The following SV2B variants were observed in gnomAD, a reference collection of about 807,000 sequenced individuals.
SV2B encodes the protein synaptic vesicle glycoprotein 2B.
A neutral mutation model predicts 73.9 loss-of-function variants in SV2B; 41 were observed. The ratio of observed to expected loss-of-function variants is 0.56; its 90% confidence interval spans 0.43 to 0.72. The LOEUF is 0.72. SV2B is among the 30% of genes least tolerant of loss of function. The pLI, the probability that SV2B is intolerant of heterozygous loss-of-function variation, is 0.00. For missense variants in SV2B, 764 were observed against 857.8 expected (o/e 0.89, Z 1.37); for synonymous variants, 314 against 314.2 (o/e 1.00, Z 0.01).
intron 10 of SV2B, among the ~76,000 whole-genome samples, chr15:91,282,165 A>G (rs1489218400): frequency 1.3e-5 from 2 of 152,246 alleles, no homozygotes; most frequent in East Asian, 3.8e-4. Flanking sequence ...TTTGGTATGA[A>G]CAAAGGATGA....
intron 1 of SV2B, among the ~76,000 whole-genome samples, chr15:91,189,789 C>G (rs1016414141): frequency 6.6e-6 from 1 of 152,182 alleles, no homozygotes; most frequent in Admixed American, 6.5e-5. Flanking sequence ...GAGATCGAGA[C>G]CGTCCTGGCT....
At chr15:91,213,839 C>G (rs2045942188) in intron 1 of SV2B, among the ~76,000 whole-genome samples, 1 of 152,112 alleles carries the variant, frequency 6.6e-6, no homozygotes, top group African/African-American at 2.4e-5. Context: ...GAACCTGAGT[C>G]TTGTTTTCAT....
rs147617528 is a variant in SV2B at position 91,273,041 on chromosome 15, C to T, written c.1373+4436C>T. On this transcript the variant is annotated intron_variant, in intron 9 of 12. Coordinates refer to ENST00000394232, the MANE Select transcript of SV2B (RefSeq NM_001323032.3). ...AGAGATGGGGTTTTGCCATGTTTGC[C>T]AGGCTGGTCTCGAACTCCTGACCTC... Among the ~76,000 whole-genome samples, 78 of 152,114 alleles carry T rather than the reference C, an allele frequency of 5.1e-4. 1 individual carries two copies. Among genetic ancestry groups the T allele is most frequent in the African/African-American group, 1.7e-3 (69 of 41,514 alleles).
At position 91,250,568 on chromosome 15, in the gene SV2B, C is replaced by CTA. The variant is rs575375870; in HGVS notation, c.452-1250_452-1249dup. Among the ~76,000 whole-genome samples the CTA allele has an allele frequency of 8.1e-4, 124 of 152,214 alleles. 2 individuals are homozygous for CTA. Among genetic ancestry groups the CTA allele is most frequent in the African/African-American group, 2.9e-3 (121 of 41,552 alleles). Reference sequence around the variant, plus strand: ...GATGGCATCTTATACATAGAAAACCCTAAAGACTCCACCAAAAAATTGTTA... The same window carrying CTA: ...GATGGCATCTTATACATAGAAAACCCTATAAAGACTCCACCAAAAAATTGTTA... On this transcript the variant is annotated intron_variant, in intron 2 of 12. Transcript: ENST00000394232.
chr15:91,175,937 A>G (rs912037238), intron 1 of SV2B, among the ~76,000 whole-genome samples: 1 of 151,590 alleles, frequency 6.6e-6, no homozygotes, highest in Non-Finnish European at 1.5e-5. Flanking sequence ...TGTGCACAAT[A>G]TGCAGGTTAG....
chr15:91,159,588 A>G (rs975432121), intron 1 of SV2B, among the ~76,000 whole-genome samples: 2 of 152,250 alleles, frequency 1.3e-5, no homozygotes, highest in Non-Finnish European at 2.9e-5. Flanking sequence ...AACATTGGAA[A>G]TCAATAGCAA....
intron 1 of SV2B, among the ~76,000 whole-genome samples, chr15:91,178,808 A>G (rs8024554): frequency 0.091 from 13,140 of 144,852 alleles, 917 homozygotes; most frequent in African/African-American, 0.18. Context: ...TCTTGCTAGC[A>G]GTCTATCAAT....
intron 1 of SV2B, among the ~76,000 whole-genome samples, chr15:91,191,954 A>T (rs1458180591): frequency 6.6e-6 from 1 of 152,082 alleles, no homozygotes; most frequent in Non-Finnish European, 1.5e-5. Context: ...TTATTTTATA[A>T]GTTTTAAAGT....
intron 1 of SV2B, among the ~76,000 whole-genome samples, chr15:91,169,698 T>A (rs2044050161): frequency 6.6e-6 from 1 of 152,042 alleles, no homozygotes. Flanking sequence ...ATGAACGAAA[T>A]AATTTCAGGT....
chr15:91,281,734 A>G lies in SV2B; in HGVS notation c.1380A>G (p.Thr460=). The part of the protein sequence containing the change: ...QHGKLVNDKF[T]RMYFKHVLFE... ...GGTCAACCTCTTCCCACAGGTTCAC[A>G]AGAATGTACTTTAAACATGTACTCT... Residue 460 remains threonine, a synonymous_variant, in exon 10 of 13, where the codon ACA becomes ACG. Coordinates refer to ENST00000394232, the MANE Select transcript of SV2B (RefSeq NM_001323032.3). This position sits in a 1 kb window ranked among gnomAD's most constrained non-coding sequence, Gnocchi z 4.7. 1 of 1,602,076 alleles carries G rather than the reference A, an allele frequency of 6.2e-7. No individual in the cohort carries two copies. The highest frequency in any genetic ancestry group is 1.3e-5 in the African/African-American group (1 of 74,550).
intron 1 of SV2B, among the ~76,000 whole-genome samples, chr15:91,133,610 C>T (rs1019974390): frequency 3.9e-5 from 6 of 152,094 alleles, no homozygotes; most frequent in East Asian, 1.9e-4. Flanking sequence ...TGGGGACAGG[C>T]GGCAGGGCTT....
intron 5 of SV2B, among the ~76,000 whole-genome samples, chr15:91,259,984 C>T (rs16945465): frequency 0.15 from 22,875 of 152,116 alleles, 2,011 homozygotes; most frequent in African/African-American, 0.22. Context: ...GTTGCTTCTT[C>T]GCCTTATCTC....
intron 1 of SV2B, among the ~76,000 whole-genome samples, chr15:91,131,155 T>TTG (rs2042633764): frequency 6.7e-6 from 1 of 148,670 alleles, no homozygotes; most frequent in Non-Finnish European, 1.5e-5. Flanking sequence ...TTGTTTTTTT[T>TTG]TTTTTTTTTT....
Position 91,292,574 on chromosome 15 carries a change from G to T in SV2B, c.*22G>T, listed in dbSNP as rs1368825805. Reference sequence around the variant, plus strand: ...GTGAACAACCTATGGGAAAAGGAAAGGTCGAGAGAATCTTGTCCAGGACAC... The same window carrying T: ...GTGAACAACCTATGGGAAAAGGAAATGTCGAGAGAATCTTGTCCAGGACAC... On this transcript the variant is annotated 3_prime_UTR_variant, in exon 13 of 13. Transcript: ENST00000394232. 1 of 1,601,810 alleles carries T rather than the reference G, an allele frequency of 6.2e-7. No individual in the cohort carries two copies. The highest frequency in any genetic ancestry group is 1.7e-5 in the Admixed American group (1 of 58,086).
intron 1 of SV2B, among the ~76,000 whole-genome samples, chr15:91,172,213 C>A (rs1468429315): frequency 6.6e-6 from 1 of 152,228 alleles, no homozygotes; most frequent in Admixed American, 6.5e-5. Context: ...CTCTTCTCCT[C>A]CCCCTCTGCA....
chr15:91,147,929 G>GTT (rs1310503188), intron 1 of SV2B, among the ~76,000 whole-genome samples: 1 of 103,726 alleles, frequency 9.6e-6, no homozygotes, highest in Non-Finnish European at 2.0e-5. Context: ...AGAAACAACA[G>GTT]TTTTCTGTTT....
chr15:91,225,287 A>C (rs1159900938), intron 1 of SV2B, among the ~76,000 whole-genome samples: 12 of 149,758 alleles, frequency 8.0e-5, no homozygotes, highest in Admixed American at 7.9e-4. Flanking sequence ...GTAAGCTGGG[A>C]TTCAAGAAAA....
intron 1 of SV2B, among the ~76,000 whole-genome samples, chr15:91,201,637 C>T (rs947998687): frequency 2.6e-5 from 4 of 152,234 alleles, no homozygotes; most frequent in East Asian, 1.9e-4. Flanking sequence ...CAGGCCTTTT[C>T]ATCTCAGTTC....
chr15:91,108,323 A>G (rs538737060), intron 1 of SV2B, among the ~76,000 whole-genome samples: 4 of 152,304 alleles, frequency 2.6e-5, no homozygotes, highest in South Asian at 4.1e-4. Context: ...CAATAAGCCA[A>G]TCTCCTTAGT....
Sources: allele counts gnomAD v4.1 joint callset (sites outside exome capture counted in the v4.1 genomes callset), GRCh38; gene constraint gnomAD v4.1.1; non-coding constraint Gnocchi (gnomAD v3.1); transcripts MANE v1.5; gene names NCBI Gene and HGNC (gene_info 2026-07-23, HGNC 2026-07-21).